Variants in PFKFB3 observed in about 807,000 individuals in gnomAD.
PFKFB3 encodes the protein 6-phosphofructo-2-kinase/fructose-2,6-biphosphatase 3, also known as 6-phosphofructo-2-kinase/fructose-2,6-bisphosphatase 3.
Under a neutral mutation model 68.0 loss-of-function variants are expected in PFKFB3, and 33 were observed. The ratio of observed to expected loss-of-function variants is 0.49; its 90% CI spans 0.37 to 0.65. The LOEUF is 0.65. Ranked by LOEUF, PFKFB3 falls within the 30% of genes least tolerant of loss-of-function variation. PFKFB3 has a pLI of 0.00. For missense variants in PFKFB3, 586 were observed against 712.2 expected, an observed-to-expected ratio of 0.82 and a Z score of 2.02; for synonymous variants, 315 against 288.2, an observed-to-expected ratio of 1.09 and a Z score of -0.94.
chr10:6,185,227 C>T (rs1314035485), intron 1 of PFKFB3, among the ~76,000 whole-genome samples: 1 of 152,140 alleles, frequency 6.6e-6, no homozygotes, highest in Non-Finnish European at 1.5e-5. Flanking sequence ...TCCTTTGATC[C>T]CTCTGCTGGG....
chr10:6,160,722 A>AAAG (rs1388225433), intron 1 of PFKFB3, among the ~76,000 whole-genome samples: 3 of 147,432 alleles, frequency 2.0e-5, no homozygotes, highest in Non-Finnish European at 4.4e-5. Context: ...CTGTCTCAAA[A>AAAG]AAAAAAAAAA....
the PFKFB3 span, among the ~76,000 whole-genome samples, chr10:6,260,967 A>G: frequency 6.6e-6 from 1 of 152,198 alleles, no homozygotes; most frequent in Non-Finnish European, 1.5e-5. Context: ...CTAGTGCTGA[A>G]CAACTTTCCT....
At position 6,217,798 on chromosome 10, in the gene PFKFB3, G is replaced by C. The variant is rs545652099; in HGVS notation, c.498+607G>C. On this transcript the variant is annotated intron_variant, in intron 6 of 14. Transcript: ENST00000379775. ...GATAGCAATATATATAAACAGGAAT[G>C]GTTACTATGGAGACTTACTACAAGC... 3.9e-5 allele frequency among the ~76,000 whole-genome samples: 6 copies of C among 152,300 alleles called. No homozygotes were observed. The South Asian group carries it at 1.2e-3, about 32-fold the overall frequency.
Position 6,156,127 on chromosome 10 carries a change from A to G in PFKFB3, c.16+11114A>G, listed in dbSNP as rs147611460. 8.6e-5 allele frequency among the ~76,000 whole-genome samples: 4 copies of G among 46,720 alleles called. No individual in the cohort carries two copies. In the East Asian group the frequency reaches 3.0e-3, roughly 35 times the overall value. 30.7% of individuals were successfully genotyped at this position (46,720 alleles called of 152,430 possible). On this transcript the variant is annotated intron_variant, in intron 1 of 14. Transcript: ENST00000379789. ...AGAGATATTATATATATGTACATAT[A>G]TATGTGTGTGTGTGTGTGTGTGTGT... is the stretch of plus-strand genomic sequence containing the variant.
At chr10:6,294,136 T>C in the PFKFB3 span, 2 of 498,890 alleles carry the variant, frequency 4.0e-6, no homozygotes, top group South Asian at 1.5e-5. Context: ...GTTTCTTCTT[T>C]ATTTAAACTC....
At chr10:6,310,706 C>T in the PFKFB3 span, among the ~76,000 whole-genome samples, 1 of 152,100 alleles carries the variant, frequency 6.6e-6, no homozygotes, top group African/African-American at 2.4e-5. Flanking sequence ...AGGAATACTA[C>T]TATATTTGTG....
At chr10:6,294,986 T>C in the PFKFB3 span, among the ~76,000 whole-genome samples, 1 of 152,104 alleles carries the variant, frequency 6.6e-6, no homozygotes, top group East Asian at 1.9e-4. Context: ...TTTTTTTTTT[T>C]TATCATGCCT....
the PFKFB3 span, among the ~76,000 whole-genome samples, chr10:6,322,739 C>T: frequency 6.6e-6 from 1 of 152,238 alleles, no homozygotes; most frequent in Non-Finnish European, 1.5e-5. Context: ...TCTCTTCTCA[C>T]AGCAGAAATT....
intron 1 of PFKFB3, among the ~76,000 whole-genome samples, chr10:6,167,596 G>A (rs1842182020): frequency 6.6e-6 from 1 of 152,180 alleles, no homozygotes; most frequent in South Asian, 2.1e-4. Context: ...TGGATCCCTA[G>A]CTAGCAGATG....
rs960405611 is a variant in PFKFB3 at position 6,228,693 on chromosome 10, G to A, written c.1515+2328G>A. On this transcript the variant is annotated intron_variant, in intron 14 of 14. Transcript: ENST00000379775. The surrounding 1 kb of genome is among the most constrained non-coding windows in gnomAD (Gnocchi z 4.5). Reference sequence around the variant, plus strand: ...TAAACCAAACCTATGGGGAATAGTGGGAGTGTGGTGGGGCCTGAGCTCTGA... The same window carrying A: ...TAAACCAAACCTATGGGGAATAGTGAGAGTGTGGTGGGGCCTGAGCTCTGA... Among the ~76,000 whole-genome samples the A allele has an allele frequency of 7.3e-4, 52 of 71,116 alleles. No individual in the cohort carries two copies. Among genetic ancestry groups the A allele is most frequent in the Admixed American group, 5.1e-3 (44 of 8,574 alleles). 46.7% of individuals were successfully genotyped at this position (71,116 alleles called of 152,430 possible).
At chr10:6,217,767 C>T (rs749500839) in intron 6 of PFKFB3, among the ~76,000 whole-genome samples, 13 of 152,156 alleles carry the variant, frequency 8.5e-5, no homozygotes, top group Non-Finnish European at 1.5e-5. Context: ...TCCAGTGTTA[C>T]CACTTGATAG....
At chr10:6,216,266 C>T (rs910332125) in intron 4 of PFKFB3, 75 bp downstream of exon 4, 47 of 1,363,308 alleles carry the variant, frequency 3.4e-5, no homozygotes, top group African/African-American at 5.7e-5. Flanking sequence ...TGGGGTGTAC[C>T]GAGACCTGTG....
rs758514758 is a variant in PFKFB3 at position 6,219,553 on chromosome 10, C to T, written c.499-16C>T. 72 of 1,613,856 alleles carry T rather than the reference C, an allele frequency of 4.5e-5. No individual in the cohort carries two copies. The highest frequency in any genetic ancestry group is 5.9e-5 in the Non-Finnish European group (70 of 1,179,918). On this transcript the variant is annotated splice_polypyrimidine_tract_variant and intron_variant, in intron 6 of 14. Transcript: ENST00000379775. ...TTCCAGCGTGATTTATCAGCCACCC[C>T]TTTGTGGTGTTGCAGGAAGTTAAAA...
At chr10:6,202,872 G>C (rs1233311893), upstream of PFKFB3, 3 of 1,051,426 alleles carry the variant, frequency 2.9e-6, no homozygotes, top group Admixed American at 5.8e-5. Context: ...CCCCGAGGCT[G>C]ACGTACGCGT....
At chr10:6,170,386 G>C (rs1376743963) in intron 1 of PFKFB3, among the ~76,000 whole-genome samples, 2 of 151,710 alleles carry the variant, frequency 1.3e-5, no homozygotes, top group Admixed American at 1.3e-4. Flanking sequence ...TTTCTTTCTT[G>C]TTCCTCTAAG....
At chr10:6,253,909 T>C in intron 14 of PFKFB3, among the ~76,000 whole-genome samples, 1 of 151,890 alleles carries the variant, frequency 6.6e-6, no homozygotes. Context: ...CCAGGCATGG[T>C]AGTGCACACC....
intron 13 of PFKFB3, chr10:6,225,051 G>C: frequency 6.6e-6 from 3 of 451,310 alleles, no homozygotes; most frequent in South Asian, 1.6e-5. Context: ...TCTACCTTGG[G>C]GGGAGGCCTG....
In PFKFB3 at chr10:6,220,982, CTG is replaced by C. The variant is rs1844916946; in HGVS notation, c.831+125_831+126del. ...CTGCTGCTGCTGCTTGGTGTGCTTG[CTG>C]TGTGTGTTATCTGTGTGTGCGCCTG... On this transcript the variant is annotated intron_variant, in intron 8 of 14. Transcript: ENST00000379775. The surrounding 1 kb of genome is among the most constrained non-coding windows in gnomAD (Gnocchi z 4.1). The C allele has an allele frequency of 1.0e-6, 1 of 985,992 alleles. No individual in the cohort carries two copies. Among genetic ancestry groups the C allele is most frequent in the South Asian group, 1.3e-5 (1 of 75,722 alleles). 61.1% of individuals were successfully genotyped at this position (985,992 alleles called of 1,614,324 possible). A position where few individuals can be genotyped will look rare whatever the true frequency, so the allele number is the denominator to read the frequency against.
chr10:6,215,283 C>T lies in PFKFB3; in HGVS notation c.265C>T (p.Arg89Cys), dbSNP rs771681077. ...GCAGTACAGCTCCTACAACTTCTTCCGCCCCGACAATGAGGAAGCCATGAA... is the reference window on the plus strand; with the variant it reads ...GCAGTACAGCTCCTACAACTTCTTCTGCCCCGACAATGAGGAAGCCATGAA... The part of the protein sequence containing the change: ...VKQYSSYNFF[R>C]PDNEEAMKVR... The change falls in exon 3 of 15, where the codon CGC becomes TGC. Residue 89 changes from arginine to cysteine, a missense_variant. Transcript: ENST00000379775. The surrounding 1 kb of genome is among the most constrained non-coding windows in gnomAD (Gnocchi z 4.3). 1.2e-5 allele frequency: 19 copies of T among 1,613,816 alleles called. No homozygotes were observed. In the East Asian group the frequency reaches 2.0e-4, roughly 17 times the overall value.
Sources: gnomAD v4.1 joint callset for allele counts (sites outside exome capture counted in the v4.1 genomes callset) on GRCh38, gnomAD v4.1.1 for gene constraint, Gnocchi (gnomAD v3.1) non-coding constraint, MANE v1.5 for transcripts, NCBI Gene and HGNC (gene_info 2026-07-23, HGNC 2026-07-21) for gene names.